C8orf34: variants seen among roughly 807,000 people sequenced by gnomAD.
The protein encoded by C8orf34 is uncharacterized protein C8orf34.
A neutral mutation model predicts 68.3 loss-of-function variants in C8orf34; 65 were observed. The ratio of observed to expected loss-of-function variants is 0.95; its 90% CI spans 0.78 to 1.17. The LOEUF is 1.17. Ranked by LOEUF, C8orf34 falls within the 50% of genes most tolerant of loss-of-function variation. The probability of loss-of-function intolerance (pLI) is 0.00; values close to 1 mark genes in which losing one functional copy is unlikely to be tolerated. For missense variants in C8orf34, 664 were observed against 655.4 expected (o/e 1.01, Z -0.14); for synonymous variants, 244 against 241.2 (o/e 1.01, Z -0.11).
At position 68,776,494 on chromosome 8, in the gene C8orf34, T is replaced by C. The variant is rs1371099667; in HGVS notation, c.1455+45T>C. ...TATAATGTAGTCTGAAATCAGTTTATGATACAGGATGAAGCACTCACTTAG... is the reference window on the plus strand; with the variant it reads ...TATAATGTAGTCTGAAATCAGTTTACGATACAGGATGAAGCACTCACTTAG... On this transcript the variant is annotated intron_variant, in intron 11 of 13. Transcript: ENST00000518698. 6.8e-6 allele frequency: 10 copies of C among 1,475,194 alleles called. No individual in the cohort carries two copies. In the African/African-American group the frequency reaches 1.1e-4, roughly 16 times the overall value. 91.4% of individuals were successfully genotyped at this position (1,475,194 alleles called of 1,614,324 possible). A position where few individuals can be genotyped will look rare whatever the true frequency, so the allele number is the denominator to read the frequency against.
At chr8:68,609,980 G>T (rs1373318656) in intron 7 of C8orf34, among the ~76,000 whole-genome samples, 4 of 152,116 alleles carry the variant, frequency 2.6e-5, no homozygotes, top group African/African-American at 9.7e-5. Context: ...TGCAATTAGG[G>T]ATAGATAAGG....
chr8:68,559,248 C>G (rs1046148057), intron 7 of C8orf34, among the ~76,000 whole-genome samples: 2 of 152,032 alleles, frequency 1.3e-5, no homozygotes, highest in African/African-American at 4.8e-5. Context: ...GATGGAGGAG[C>G]CTAAAGTAAT....
intron 11 of C8orf34, among the ~76,000 whole-genome samples, chr8:68,777,016 C>T (rs924240927): frequency 6.6e-5 from 10 of 152,208 alleles, no homozygotes; most frequent in African/African-American, 1.7e-4. Flanking sequence ...CAAACTATTG[C>T]AGAACTCTCA....
At chr8:68,543,805 T>C (rs1364144018) in intron 7 of C8orf34, among the ~76,000 whole-genome samples, 1 of 152,174 alleles carries the variant, frequency 6.6e-6, no homozygotes, top group Non-Finnish European at 1.5e-5. Flanking sequence ...ACAGAATAAC[T>C]GGTAATAACT....
chr8:68,600,316 G>A (rs1322498236), intron 7 of C8orf34, among the ~76,000 whole-genome samples: 1 of 152,084 alleles, frequency 6.6e-6, no homozygotes, highest in Non-Finnish European at 1.5e-5. Flanking sequence ...TTGCGGCACT[G>A]AGCACCACAT....
At chr8:68,516,031 G>A (rs891020963) in intron 5 of C8orf34, among the ~76,000 whole-genome samples, 2 of 152,182 alleles carry the variant, frequency 1.3e-5, no homozygotes, top group Non-Finnish European at 2.9e-5. Context: ...ATGTGTTTGT[G>A]TAACAGAATT....
At chr8:68,446,758 A>G (rs1001408781) in intron 3 of C8orf34, 5 of 372,150 alleles carry the variant, frequency 1.3e-5, no homozygotes, top group Non-Finnish European at 1.9e-5. Context: ...GTAGCATTAC[A>G]TCATATTGAA....
At chr8:68,646,894 C>T (rs1433471347) in intron 8 of C8orf34, among the ~76,000 whole-genome samples, 1 of 152,172 alleles carries the variant, frequency 6.6e-6, no homozygotes, top group Non-Finnish European at 1.5e-5. Flanking sequence ...GGTTCCATAA[C>T]TTAGCTATTA....
At position 68,331,341 on chromosome 8, in the gene C8orf34, T is replaced by C. The variant is rs1805579159; in HGVS notation, c.327+2T>C. 6.5e-7 allele frequency: 1 copy of C among 1,536,168 alleles called. No homozygotes were observed. Among genetic ancestry groups the C allele is most frequent in the Non-Finnish European group, 8.7e-7 (1 of 1,146,910 alleles). On this transcript the variant is annotated splice_donor_variant, in intron 1 of 13. Transcript: ENST00000518698. LOFTEE classifies it high-confidence loss of function. ...AACAAGATCGGTCCCCTGTTTGAGG[T>C]AAGGCGCTGTGGAGGAGGGCAGTCC...
intron 7 of C8orf34, chr8:68,535,541 A>G (rs963000445): frequency 1.1e-6 from 1 of 895,726 alleles, no homozygotes; most frequent in South Asian, 5.2e-5. Context: ...TTGAACTAGT[A>G]GAAGTTAGTA....
intron 10 of C8orf34, among the ~76,000 whole-genome samples, chr8:68,749,525 C>G (rs1203617233): frequency 2.0e-5 from 3 of 151,868 alleles, no homozygotes; most frequent in African/African-American, 4.8e-5. Context: ...AGTTGTGAAA[C>G]CATCATCATA....
chr8:68,574,331 A>G (rs967135403), intron 7 of C8orf34, among the ~76,000 whole-genome samples: 3 of 152,034 alleles, frequency 2.0e-5, no homozygotes, highest in Admixed American at 6.6e-5. Flanking sequence ...CTATCTCATG[A>G]CTATGTGATA....
chr8:68,356,726 T>G (rs540151287), intron 1 of C8orf34, among the ~76,000 whole-genome samples: 2 of 152,264 alleles, frequency 1.3e-5, no homozygotes, highest in African/African-American at 4.8e-5. Flanking sequence ...TAAAAACATT[T>G]AAAGATAAAT....
At chr8:68,803,552 T>G in intron 12 of C8orf34, among the ~76,000 whole-genome samples, 1 of 152,170 alleles carries the variant, frequency 6.6e-6, no homozygotes, top group South Asian at 2.1e-4. Flanking sequence ...CTTGATGAAT[T>G]ACTGAAGCAT....
At chr8:68,481,424 C>G (rs886593910) in intron 4 of C8orf34, among the ~76,000 whole-genome samples, 1 of 152,216 alleles carries the variant, frequency 6.6e-6, no homozygotes, top group Non-Finnish European at 1.5e-5. Flanking sequence ...GGGGCACCAC[C>G]TAGTGGAGCT....
At chr8:68,462,135 G>T (rs1278203639) in intron 3 of C8orf34, among the ~76,000 whole-genome samples, 1 of 152,034 alleles carries the variant, frequency 6.6e-6, no homozygotes, top group Non-Finnish European at 1.5e-5. Context: ...GGCAGGGGTT[G>T]CAATCCTGGT....
At chr8:68,795,324 CTTTTT>C (rs59226472) in intron 12 of C8orf34, among the ~76,000 whole-genome samples, 1 of 127,412 alleles carries the variant, frequency 7.8e-6, no homozygotes, top group Non-Finnish European at 1.7e-5. Flanking sequence ...TTATTGACTG[CTTTTT>C]TTTTTTTTTT....
At chr8:68,630,851 C>T (rs1460701403) in intron 7 of C8orf34, among the ~76,000 whole-genome samples, 2 of 151,808 alleles carry the variant, frequency 1.3e-5, no homozygotes, top group Non-Finnish European at 2.9e-5. Flanking sequence ...ACAATCAGAG[C>T]TCACTGCAGC....
chr8:68,519,725 C>T (rs1814668508), intron 5 of C8orf34, among the ~76,000 whole-genome samples: 1 of 151,780 alleles, frequency 6.6e-6, no homozygotes, highest in Non-Finnish European at 1.5e-5. Flanking sequence ...TGGTCTTTCA[C>T]CTGGGGGTGG....
Sources: allele counts gnomAD v4.1 joint callset (sites outside exome capture counted in the v4.1 genomes callset), GRCh38; gene constraint gnomAD v4.1.1; transcripts MANE v1.5; gene names NCBI Gene and HGNC (gene_info 2026-07-23, HGNC 2026-07-21).